PDE10A: variants seen among roughly 807,000 people sequenced by gnomAD.
PDE10A encodes the protein phosphodiesterase 10A, also known as cAMP and cAMP-inhibited cGMP 3',5'-cyclic phosphodiesterase 10A.
In PDE10A, 39 loss-of-function variants were observed where a neutral mutation model predicts 97.7. The ratio of observed to expected loss-of-function variants is 0.40; its 90% CI spans 0.31 to 0.52. The LOEUF (loss-of-function observed/expected upper bound fraction) is 0.52, where lower values mean the gene tolerates loss of function less well. PDE10A is among the 20% of genes least tolerant of loss of function. PDE10A has a pLI of 0.56. For synonymous variants in PDE10A, 371 were observed against 376.8 expected (o/e 0.98, Z 0.18); for missense variants, 731 against 1,047.8 (o/e 0.70, Z 4.17).
chr6:165,568,738 T>G (rs1784913194), intron 1 of PDE10A, among the ~76,000 whole-genome samples: 1 of 152,176 alleles, frequency 6.6e-6, no homozygotes, highest in Non-Finnish European at 1.5e-5. Context: ...GGGTGCAAGT[T>G]CTTGATTTAA....
intron 1 of PDE10A, among the ~76,000 whole-genome samples, chr6:165,822,580 CAT>C (rs960918971): frequency 2.7e-5 from 4 of 150,028 alleles, no homozygotes; most frequent in African/African-American, 9.8e-5. Context: ...TGTATCTAAA[CAT>C]AGAAAAGGTA....
intron 1 of PDE10A, among the ~76,000 whole-genome samples, chr6:165,713,242 C>CA (rs1257396121): frequency 6.6e-6 from 1 of 152,226 alleles, no homozygotes; most frequent in African/African-American, 2.4e-5. Context: ...TAGCAGAACT[C>CA]ACACCTCCAG....
chr6:165,681,957 G>A (rs1358875797), intron 1 of PDE10A, among the ~76,000 whole-genome samples: 1 of 152,184 alleles, frequency 6.6e-6, no homozygotes, highest in African/African-American at 2.4e-5. Flanking sequence ...AGGGTAGGAT[G>A]CCTCACAGAA....
intron 1 of PDE10A, among the ~76,000 whole-genome samples, chr6:165,543,839 A>G (rs1005274415): frequency 7.7e-6 from 1 of 129,938 alleles, no homozygotes; most frequent in African/African-American, 3.7e-5. Context: ...ACAGCATTTA[A>G]AATGGTAAAA....
rs67104260 is a variant in PDE10A at position 165,806,042 on chromosome 6, T to TAAAA, written c.-615+181483_-615+181486dup. Among the ~76,000 whole-genome samples, 346 of 73,134 alleles carry TAAAA rather than the reference T, an allele frequency of 4.7e-3. 11 individuals are homozygous for TAAAA. The highest frequency in any genetic ancestry group is 0.016 in the African/African-American group (291 of 17,908). The allele number at this position is 73,134 out of a possible 152,430, so 48.0% of individuals were successfully genotyped here. ...AAATGATTTGTAGTTGCTTGATTAT[T>TAAAA]AAAAAAAAAAAAAAAAAAAAAAAAA... On this transcript the variant is annotated intron_variant, in intron 1 of 19. Transcript: ENST00000366882.
chr6:165,350,056 G>T (rs1162948671), intron 18 of PDE10A, among the ~76,000 whole-genome samples: 1 of 152,202 alleles, frequency 6.6e-6, no homozygotes, highest in Non-Finnish European at 1.5e-5. Context: ...AGTTCCCATT[G>T]GGGCAGTGCC....
At chr6:165,762,030 G>T (rs1793263088) in intron 1 of PDE10A, among the ~76,000 whole-genome samples, 1 of 152,148 alleles carries the variant, frequency 6.6e-6, no homozygotes, top group Non-Finnish European at 1.5e-5. Context: ...TCTTATATGA[G>T]TTCCTTTCTC....
chr6:165,654,195 T>C (rs1789824088), intron 1 of PDE10A, among the ~76,000 whole-genome samples: 1 of 152,164 alleles, frequency 6.6e-6, no homozygotes, highest in Non-Finnish European at 1.5e-5. Flanking sequence ...GTACTGCATG[T>C]CTTCCTAAAC....
At chr6:165,930,666 T>A (rs563310684) in intron 1 of PDE10A, among the ~76,000 whole-genome samples, 50 of 152,356 alleles carry the variant, frequency 3.3e-4, no homozygotes, top group Admixed American at 3.3e-3. Flanking sequence ...AAACGCTGGC[T>A]GTGCATGGAA....
At chr6:165,400,651 C>G (rs142603365) in intron 13 of PDE10A, among the ~76,000 whole-genome samples, 1 of 152,258 alleles carries the variant, frequency 6.6e-6, no homozygotes, top group Non-Finnish European at 1.5e-5. Context: ...AACAGTTTGG[C>G]AGTCTCTTAA....
At chr6:165,758,516 G>GA (rs60728362) in intron 1 of PDE10A, among the ~76,000 whole-genome samples, 33,330 of 139,616 alleles carry the variant, frequency 0.24, 5,107 homozygotes, top group Middle Eastern at 0.37. Context: ...GAAGAAAGAA[G>GA]AAGAAGAAGA....
At chr6:165,698,957 A>G (rs1198670455) in intron 1 of PDE10A, among the ~76,000 whole-genome samples, 1 of 152,240 alleles carries the variant, frequency 6.6e-6, no homozygotes, top group Non-Finnish European at 1.5e-5. Flanking sequence ...GATATATAGA[A>G]AGCAAAATGT....
chr6:165,921,406 T>A (rs2128488439), intron 1 of PDE10A, among the ~76,000 whole-genome samples: 1 of 152,334 alleles, frequency 6.6e-6, no homozygotes, highest in Middle Eastern at 3.4e-3. Context: ...ATCCCTGCCC[T>A]TGTGGAACTT....
chr6:165,390,454 T>C (rs893847289), intron 16 of PDE10A, among the ~76,000 whole-genome samples: 3 of 152,030 alleles, frequency 2.0e-5, no homozygotes, highest in African/African-American at 7.3e-5. Context: ...GGGAGGGAGC[T>C]GAGAAGAGCG....
chr6:165,333,856 C>T (rs1207122945), intron 21 of PDE10A, among the ~76,000 whole-genome samples: 1 of 152,200 alleles, frequency 6.6e-6, no homozygotes, highest in Non-Finnish European at 1.5e-5. Flanking sequence ...CTCTTAGCCA[C>T]ATTCCTGTGT....
At chr6:165,608,057 T>C (rs1027578517) in intron 1 of PDE10A, among the ~76,000 whole-genome samples, 1 of 148,042 alleles carries the variant, frequency 6.8e-6, no homozygotes, top group African/African-American at 2.5e-5. Context: ...TTCTTGTATA[T>C]ATATGTATAT....
chr6:165,825,134 A>G (rs1343539663), intron 1 of PDE10A, among the ~76,000 whole-genome samples: 1 of 145,328 alleles, frequency 6.9e-6, no homozygotes, highest in Non-Finnish European at 1.5e-5. Flanking sequence ...GGCAACAGAA[A>G]GACTCCATCT....
At chr6:165,366,706 A>G (rs1783792703) in intron 18 of PDE10A, among the ~76,000 whole-genome samples, 1 of 152,196 alleles carries the variant, frequency 6.6e-6, no homozygotes, top group Non-Finnish European at 1.5e-5. Flanking sequence ...GGGAAATCCT[A>G]GAAAGCAGGG....
At chr6:165,668,215 G>C (rs1222581096), upstream of PDE10A, among the ~76,000 whole-genome samples, 4 of 152,188 alleles carry the variant, frequency 2.6e-5, no homozygotes, top group Non-Finnish European at 5.9e-5. Context: ...CTTTTAAATA[G>C]AAAGAGGTCA....
Sources: allele counts gnomAD v4.1 joint callset (sites outside exome capture counted in the v4.1 genomes callset), GRCh38; gene constraint gnomAD v4.1.1; transcripts MANE v1.5; gene names NCBI Gene and HGNC (gene_info 2026-07-23, HGNC 2026-07-21).